Variants in FKBP1C observed in about 807,000 individuals in gnomAD.
FKBP1C encodes FKBP prolyl isomerase family member 1C, also known as peptidyl-prolyl cis-trans isomerase FKBP1C.
FKBP1C carries 7 observed loss-of-function variants against 7.1 expected under a neutral mutation model. That is an observed-to-expected ratio of 0.99 (90% CI 0.56 to 1.86). The LOEUF (loss-of-function observed/expected upper bound fraction) is 1.86, where lower values mean the gene tolerates loss of function less well. FKBP1C is among the 40% of genes most tolerant of loss of function. The probability of loss-of-function intolerance (pLI) is 0.00; values close to 1 mark genes in which losing one functional copy is unlikely to be tolerated. For missense variants in FKBP1C, 159 were observed against 139.9 expected, an observed-to-expected ratio of 1.14 and a Z score of -0.69; for synonymous variants, 56 against 51.2, an observed-to-expected ratio of 1.09 and a Z score of -0.40.
rs753675341 is a variant in FKBP1C, at chr6:63,211,540, C to T, written c.-17C>T. ...CCGCCCGTCGCGCTGCCCGCCCGCT[C>T]GGCGTCGGCCGCCGCCATGGGAGTG... is the stretch of plus-strand genomic sequence containing the variant. On this transcript the variant is annotated 5_prime_UTR_variant, in exon 1 of 1. Coordinates refer to ENST00000370659, the Ensembl canonical transcript of FKBP1C. The T allele has an allele frequency of 6.4e-5, 71 of 1,103,310 alleles. No homozygotes were observed. The East Asian group carries it at 1.3e-3, about 21-fold the overall frequency. 68.3% of individuals were successfully genotyped at this position (1,103,310 alleles called of 1,614,324 possible). A position where few individuals can be genotyped will look rare whatever the true frequency, so the allele number is the denominator to read the frequency against.
chr6:63,211,970 A>G (rs1766111786), exon 1 of FKBP1C: 2 of 1,424,734 alleles, frequency 1.4e-6, no homozygotes, highest in African/African-American at 1.4e-5. Context: ...ATAAATCCAT[A>G]TGGAGCTTTT....
At chr6:63,211,576 C>T (rs1214707845) in exon 1 of FKBP1C, 3 of 1,475,668 alleles carry the variant, frequency 2.0e-6, no homozygotes, top group South Asian at 1.1e-5. Context: ...CACGTGGAAA[C>T]CATCTCCCCA....
chr6:63,211,678 G>C, exon 1 of FKBP1C: 1 of 1,614,038 alleles, frequency 6.2e-7, no homozygotes, highest in Non-Finnish European at 8.5e-7. Context: ...GATTCCTCCC[G>C]GGACAGAAAC....
chr6:63,211,611 C>G (rs1328862876), exon 1 of FKBP1C: 3 of 1,592,686 alleles, frequency 1.9e-6, no homozygotes, highest in South Asian at 1.1e-5. Flanking sequence ...CTTCCCGAAG[C>G]GCAGCCAGAC....
At position 63,211,818 on chromosome 6, in the gene FKBP1C, C is replaced by A. The variant is rs760868173; in HGVS notation, c.262C>A (p.His88Asn). Residue 88 changes from histidine (H) to asparagine (N), a missense_variant, in exon 1 of 1, where the codon CAC becomes AAC. Transcript: ENST00000370659. ...AGATTATGCCTATGGTGCCACTGGG[C>A]ACCCAGGCATCATCCCACCACATGC... is the stretch of plus-strand genomic sequence containing the variant. The A allele has an allele frequency of 9.3e-6, 15 of 1,613,084 alleles. No individual in the cohort carries two copies. The African/African-American group carries it at 1.9e-4, about 20-fold the overall frequency.
At position 63,212,131 on chromosome 6, in the gene FKBP1C, A is replaced by G. The variant is rs905845134; in HGVS notation, c.*248A>G. On this transcript the variant is annotated 3_prime_UTR_variant, in exon 1 of 1. Coordinates refer to ENST00000370659, the Ensembl canonical transcript of FKBP1C. Reference sequence around the variant, plus strand: ...ATATGCCATAAACGTCAAGTTATTCATTTTACTTTTTCATTTTGGGGTGAA... The same window carrying G: ...ATATGCCATAAACGTCAAGTTATTCGTTTTACTTTTTCATTTTGGGGTGAA... The G allele has an allele frequency of 5.0e-6, 3 of 601,876 alleles. No individual in the cohort carries two copies. The African/African-American group carries it at 5.6e-5, about 11-fold the overall frequency. 37.3% of individuals were successfully genotyped at this position (601,876 alleles called of 1,614,324 possible).
At position 63,212,595 on chromosome 6, in the gene FKBP1C, ATTTT is replaced by A. The variant is rs59575998; in HGVS notation, c.*728_*731del. 159 of 155,136 alleles carry A rather than the reference ATTTT, an allele frequency of 1.0e-3. 1 individual carries two copies. The highest frequency in any genetic ancestry group is 1.3e-3 in the South Asian group (6 of 4,508). The allele number at this position is 155,136 out of a possible 1,614,324, so 9.6% of individuals were successfully genotyped here. A position where few individuals can be genotyped will look rare whatever the true frequency, so the allele number is the denominator to read the frequency against. ...CCTCTGAAGCCTTCTTTGTGGCCTTATTTTTTTTTTTTTTTTTTTCATCCTGTGG... is the reference window on the plus strand; with the variant it reads ...CCTCTGAAGCCTTCTTTGTGGCCTTATTTTTTTTTTTTTTTCATCCTGTGG... On this transcript the variant is annotated 3_prime_UTR_variant, in exon 1 of 1. Coordinates refer to ENST00000370659, the Ensembl canonical transcript of FKBP1C.
At chr6:63,212,970 T>C (rs1766127912) in exon 1 of FKBP1C, 1 of 166,470 alleles carries the variant, frequency 6.0e-6, no homozygotes. Flanking sequence ...GCACCATATA[T>C]GAGTCTCAAG....
exon 1 of FKBP1C, chr6:63,212,862 CAG>C (rs888843184): frequency 2.4e-5 from 4 of 166,824 alleles, no homozygotes; most frequent in Admixed American, 2.0e-4. Flanking sequence ...CTGCTGATCT[CAG>C]AGTTTCCTGG....
chr6:63,211,892 G>A, exon 1 of FKBP1C: 1 of 1,612,406 alleles, frequency 6.2e-7, no homozygotes, highest in Non-Finnish European at 8.5e-7. Context: ...GACAGGAATG[G>A]CCTCCTCCCT....
chr6:63,212,764 T>G (rs2127364329), exon 1 of FKBP1C: 1 of 167,080 alleles, frequency 6.0e-6, no homozygotes, highest in East Asian at 1.9e-4. Context: ...AGCCCAGCCA[T>G]CATGACAAAT....
At chr6:63,211,827 A>G (rs891914097) in exon 1 of FKBP1C, 13 of 1,613,498 alleles carry the variant, frequency 8.1e-6, no homozygotes, top group Admixed American at 3.3e-5. Context: ...GCACCCAGGC[A>G]TCATCCCACC....
chr6:63,212,253 T>C, exon 1 of FKBP1C: 1 of 335,340 alleles, frequency 3.0e-6, no homozygotes, highest in South Asian at 6.4e-5. Context: ...TAGGAATTGG[T>C]GTTGAGGGGG....
rs761723863 is a variant in FKBP1C at position 63,211,626 on chromosome 6, G to C, written c.70G>C (p.Val24Leu). Residue 24 changes from valine to leucine, a missense_variant, in exon 1 of 1, where the codon GTG (valine) becomes CTG (leucine). Coordinates refer to ENST00000370659, the Ensembl canonical transcript of FKBP1C. ...CTTCCCGAAGCGCAGCCAGACCTGC[G>C]TGATGCACTACACCGGGATGCTTGA... 2.2e-5 allele frequency: 36 copies of C among 1,609,248 alleles called. No homozygotes were observed. In the African/African-American group the frequency reaches 4.3e-4, roughly 19 times the overall value.
exon 1 of FKBP1C, chr6:63,212,010 A>G: frequency 1.8e-6 from 2 of 1,103,946 alleles, no homozygotes; most frequent in Non-Finnish European, 2.7e-6. Flanking sequence ...TTGTATAGAC[A>G]TCTGCCCCAA....
exon 1 of FKBP1C, chr6:63,211,968 A>C: frequency 1.4e-6 from 2 of 1,455,630 alleles, no homozygotes; most frequent in Non-Finnish European, 9.6e-7. Context: ...ACATAAATCC[A>C]TATGGAGCTT....
exon 1 of FKBP1C, chr6:63,211,481 C>T (rs1470739841): frequency 1.1e-5 from 7 of 638,648 alleles, no homozygotes; most frequent in African/African-American, 3.7e-5. Context: ...TAGGCAGAGC[C>T]GTGGAACCGC....
chr6:63,211,699 A>G (rs765272233), exon 1 of FKBP1C: 1 of 1,614,028 alleles, frequency 6.2e-7, no homozygotes, highest in Non-Finnish European at 8.5e-7. Context: ...AAGCCCTTTA[A>G]GTTTATGCTA....
chr6:63,211,964 A>G lies in FKBP1C; in HGVS notation c.*81A>G, dbSNP rs9939. The G allele has an allele frequency of 9.5e-6, 14 of 1,481,072 alleles. No individual in the cohort carries two copies. In the Admixed American group the frequency reaches 1.0e-4, roughly 11 times the overall value. The allele number at this position is 1,481,072 out of a possible 1,614,324, so 91.7% of individuals were successfully genotyped here. A position where few individuals can be genotyped will look rare whatever the true frequency, so the allele number is the denominator to read the frequency against. ...GGTGCCTCCAGACGTGTGCACATAA[A>G]TCCATATGGAGCTTTTCCTGATGTT... On this transcript the variant is annotated 3_prime_UTR_variant, in exon 1 of 1. Coordinates refer to ENST00000370659, the Ensembl canonical transcript of FKBP1C.
Sources: gnomAD v4.1 joint callset for allele counts on GRCh38, gnomAD v4.1.1 for gene constraint, MANE v1.5 for transcripts, NCBI Gene and HGNC (gene_info 2026-07-23, HGNC 2026-07-21) for gene names.